The following LANCL2 variants were observed in gnomAD, a reference collection of about 807,000 sequenced individuals.
LANCL2 encodes the protein LanC like glutathione S-transferase 2.
LANCL2 carries 33 observed loss-of-function variants against 56.9 expected under a neutral mutation model. The observed-to-expected ratio is 0.58, with a 90% CI of 0.44 to 0.78. LANCL2 has a LOEUF of 0.78. Among genes scored for constraint, LANCL2 ranks in the 30% least tolerant of loss-of-function variants. The probability of loss-of-function intolerance (pLI) is 0.00; values close to 1 mark genes in which losing one functional copy is unlikely to be tolerated. For synonymous variants in LANCL2, 233 were observed against 228.2 expected (o/e 1.02, Z -0.19); for missense variants, 562 against 580.2 (o/e 0.97, Z 0.32).
chr7:55,371,944 G>A (rs919322929), intron 1 of LANCL2, among the ~76,000 whole-genome samples: 1 of 151,950 alleles, frequency 6.6e-6, no homozygotes, highest in Non-Finnish European at 1.5e-5. Flanking sequence ...GGAAGGTGGG[G>A]TAATATACTC....
intron 4 of LANCL2, 127 bp downstream of exon 4, chr7:55,400,231 T>A (rs1265153146): frequency 3.0e-6 from 2 of 676,752 alleles, no homozygotes; most frequent in Non-Finnish European, 4.5e-6. Flanking sequence ...TCATCAAAAG[T>A]AAGAAATAGT....
At chr7:55,399,132 G>A (rs2128993542) in intron 3 of LANCL2, among the ~76,000 whole-genome samples, 1 of 152,270 alleles carries the variant, frequency 6.6e-6, no homozygotes, top group East Asian at 1.9e-4. Context: ...ATGACGCTGG[G>A]TATAGTGGCA....
In LANCL2 at chr7:55,433,321, G is replaced by A. The variant is rs558137993; in HGVS notation, c.*2001G>A. 2 of 152,312 alleles carry A rather than the reference G, an allele frequency of 1.3e-5. No homozygotes were observed. The highest frequency in any genetic ancestry group is 2.4e-5 in the African/African-American group (1 of 41,568). 9.4% of individuals were successfully genotyped at this position (152,312 alleles called of 1,614,324 possible). On this transcript the variant is annotated 3_prime_UTR_variant, in exon 9 of 9. Transcript: ENST00000254770. ...TTAAAATCTGTGGAATAAAGGAGGA[G>A]ATTTTATTTACAGATTTTTTTAAAA...
intron 6 of LANCL2, among the ~76,000 whole-genome samples, chr7:55,422,444 AT>A (rs1438909865): frequency 6.6e-6 from 1 of 152,072 alleles, no homozygotes; most frequent in African/African-American, 2.4e-5. Flanking sequence ...TTTCCTCTTA[AT>A]TTTGGGTTTT....
intron 5 of LANCL2, among the ~76,000 whole-genome samples, chr7:55,403,231 A>G (rs1184368535): frequency 6.6e-6 from 1 of 152,288 alleles, no homozygotes; most frequent in Non-Finnish European, 1.5e-5. Context: ...ACTCGCGGTT[A>G]GGAGCTGGAG....
chr7:55,416,914 C>CTG (rs906694276), intron 6 of LANCL2, among the ~76,000 whole-genome samples: 1 of 149,364 alleles, frequency 6.7e-6, no homozygotes, highest in African/African-American at 2.5e-5. Flanking sequence ...ACCTTTAGGC[C>CTG]TGTGATTTAT....
intron 2 of LANCL2, 124 bp downstream of exon 2, chr7:55,392,034 T>C (rs1790197391): frequency 1.1e-5 from 6 of 556,972 alleles, no homozygotes; most frequent in African/African-American, 1.9e-5. Flanking sequence ...GGCTGACGCC[T>C]GTAATCCCAG....
intron 7 of LANCL2, among the ~76,000 whole-genome samples, chr7:55,427,421 T>G (rs1790675890): frequency 6.6e-6 from 1 of 152,224 alleles, no homozygotes; most frequent in Non-Finnish European, 1.5e-5. Flanking sequence ...GAGGCGGGCT[T>G]GGGTTTCCCC....
At chr7:55,406,416 CA>C (rs60778823) in intron 5 of LANCL2, among the ~76,000 whole-genome samples, 7,772 of 152,212 alleles carry the variant, frequency 0.051, 664 homozygotes, top group African/African-American at 0.17. Context: ...TTGTCGCTGG[CA>C]GTGCAGAGTC....
At chr7:55,391,313 C>T (rs537505474) in intron 1 of LANCL2, among the ~76,000 whole-genome samples, 3 of 152,186 alleles carry the variant, frequency 2.0e-5, no homozygotes, top group South Asian at 2.1e-4. Context: ...CCACCGCGCC[C>T]GGCCTGAACT....
At chr7:55,379,739 CTT>C (rs1790044471) in intron 1 of LANCL2, 1 of 152,668 alleles carries the variant, frequency 6.6e-6, no homozygotes, top group African/African-American at 2.4e-5. Flanking sequence ...GACAGTTACT[CTT>C]TTTGGTGCAT....
chr7:55,385,582 T>C (rs1018142309), intron 1 of LANCL2, among the ~76,000 whole-genome samples: 11 of 151,328 alleles, frequency 7.3e-5, no homozygotes, highest in African/African-American at 2.7e-4. Flanking sequence ...GGGGAGGGGG[T>C]ATACGAATAG....
At position 55,400,069 on chromosome 7, in the gene LANCL2, G is replaced by A. The variant is rs267601545; in HGVS notation, c.643G>A (p.Gly215Ser). ...CTTACTGTACCTGAACACAGAGATA[G>A]GTCCAGGCACCGTGTGTGAGTCAGC... ...YALLYLNTEI[G>S]PGTVCESAIK... Residue 215 changes from glycine (G) to serine (S), a missense_variant, in exon 4 of 9, where the codon GGT becomes AGT. Gly to Ser is a moderately conservative substitution (Grantham distance 56). Coordinates refer to ENST00000254770, the MANE Select transcript of LANCL2 (RefSeq NM_018697.4). 5.0e-6 allele frequency: 8 copies of A among 1,612,930 alleles called. No homozygotes were observed. Among genetic ancestry groups the A allele is most frequent in the African/African-American group, 2.7e-5 (2 of 74,890 alleles).
At chr7:55,369,931 G>A (rs566740016) in intron 1 of LANCL2, among the ~76,000 whole-genome samples, 1 of 152,314 alleles carries the variant, frequency 6.6e-6, no homozygotes, top group Admixed American at 6.5e-5. Context: ...CCTGTGATTA[G>A]CTCTGTTGCT....
At chr7:55,393,844 A>G (rs915429629) in intron 2 of LANCL2, among the ~76,000 whole-genome samples, 30 of 152,242 alleles carry the variant, frequency 2.0e-4, no homozygotes, top group Admixed American at 1.9e-3. Flanking sequence ...GATATCTTAA[A>G]TGTAATAAAA....
At chr7:55,430,936 T>C (rs1389468185) in intron 8 of LANCL2, among the ~76,000 whole-genome samples, 1 of 152,246 alleles carries the variant, frequency 6.6e-6, no homozygotes, top group Non-Finnish European at 1.5e-5. Context: ...ATTAGCAGCA[T>C]CCATAACTTC....
At chr7:55,412,989 T>C (rs1179667801) in intron 6 of LANCL2, among the ~76,000 whole-genome samples, 1 of 152,206 alleles carries the variant, frequency 6.6e-6, no homozygotes, top group Non-Finnish European at 1.5e-5. Context: ...TGTGGGGAAT[T>C]ATCTCTCATG....
intron 8 of LANCL2, among the ~76,000 whole-genome samples, chr7:55,428,968 C>A (rs1036921334): frequency 1.3e-5 from 2 of 152,132 alleles, no homozygotes; most frequent in Admixed American, 6.6e-5. Flanking sequence ...CCACCACGGG[C>A]GCAGGGAAGG....
intron 1 of LANCL2, among the ~76,000 whole-genome samples, chr7:55,373,275 ATATT>A (rs55805701): frequency 0.062 from 9,132 of 147,976 alleles, 949 homozygotes; most frequent in African/African-American, 0.22. Context: ...AATTTTTTAA[ATATT>A]TATTTATTTA....
Sources: allele counts gnomAD v4.1 joint callset (sites outside exome capture counted in the v4.1 genomes callset), GRCh38; gene constraint gnomAD v4.1.1; transcripts MANE v1.5; gene names NCBI Gene and HGNC (gene_info 2026-07-23, HGNC 2026-07-21).